Variants in JAK2 observed in about 807,000 individuals in gnomAD.
JAK2 encodes tyrosine-protein kinase JAK2.
In JAK2, 86 loss-of-function variants were observed where a neutral mutation model predicts 139.3. The observed-to-expected ratio is 0.62, with a 90% CI of 0.52 to 0.74. The LOEUF is 0.74. JAK2 is among the 30% of genes least tolerant of loss of function. The pLI, the probability that JAK2 is intolerant of heterozygous loss-of-function variation, is 0.00. For synonymous variants in JAK2, 490 were observed against 437.7 expected (o/e 1.12, Z -1.49); for missense variants, 1,421 against 1,360.3 (o/e 1.04, Z -0.70).
At chr9:5,045,545 T>C (rs1816945220) in intron 5 of JAK2, among the ~76,000 whole-genome samples, 1 of 152,198 alleles carries the variant, frequency 6.6e-6, no homozygotes. Flanking sequence ...AAATGGAAAC[T>C]TCATACCCAT....
At chr9:5,036,914 A>C (rs1434926997) in intron 4 of JAK2, among the ~76,000 whole-genome samples, 3 of 152,240 alleles carry the variant, frequency 2.0e-5, no homozygotes, top group African/African-American at 7.2e-5. Flanking sequence ...CTACCATCAG[A>C]GTGAACAGGC....
At chr9:5,053,439 T>C (rs1411528790) in intron 6 of JAK2, among the ~76,000 whole-genome samples, 3 of 152,116 alleles carry the variant, frequency 2.0e-5, no homozygotes, top group Non-Finnish European at 4.4e-5. Flanking sequence ...ATTGTTATTT[T>C]ACTTTCCTGA....
At chr9:5,052,992 A>AT (rs1563959588) in intron 6 of JAK2, among the ~76,000 whole-genome samples, 1 of 151,438 alleles carries the variant, frequency 6.6e-6, no homozygotes. Flanking sequence ...TATTTTTTTC[A>AT]TTTTTTCTTG....
intron 5 of JAK2, 27 bp downstream of exon 5, chr9:5,044,547 A>C (rs1426946130): frequency 7.9e-7 from 1 of 1,273,514 alleles, no homozygotes; most frequent in Non-Finnish European, 1.1e-6. Context: ...TTACTTGTAC[A>C]TGAGTTAAAT....
chr9:5,004,370 A>C (rs1212414324), intron 2 of JAK2, among the ~76,000 whole-genome samples: 1 of 152,186 alleles, frequency 6.6e-6, no homozygotes, highest in East Asian at 1.9e-4. Context: ...TCTATGGATC[A>C]GTGAGATCAT....
At position 5,022,199 on chromosome 9, in the gene JAK2, C is replaced by T. The variant is rs1822476394; in HGVS notation, c.212C>T (p.Ala71Val). ...EYVAEEICIA[A>V]SKACGITPVY... is the part of the protein sequence containing the mutation. ...GTTGCAGAAGAAATCTGTATTGCTGCTTCTAAAGCTTGTGGTAAGTATTAA... is the reference window on the plus strand; with the variant it reads ...GTTGCAGAAGAAATCTGTATTGCTGTTTCTAAAGCTTGTGGTAAGTATTAA... Residue 71 changes from alanine (A) to valine (V), a missense_variant, in exon 3 of 25, where the codon GCT (alanine) becomes GTT (valine). Ala to Val is a moderately conservative substitution (Grantham distance 64). Transcript: ENST00000381652. 1.9e-6 allele frequency: 3 copies of T among 1,612,620 alleles called. No homozygotes were observed. In the African/African-American group the frequency reaches 4.0e-5, roughly 22 times the overall value.
At chr9:5,119,247 A>C (rs1823434340) in intron 22 of JAK2, among the ~76,000 whole-genome samples, 1 of 152,216 alleles carries the variant, frequency 6.6e-6, no homozygotes, top group East Asian at 1.9e-4. Context: ...TAAATATATT[A>C]ATAATATGTG....
In JAK2 at chr9:5,063,254, A is replaced by T. The variant is rs539379612; in HGVS notation, c.1057-1629A>T. Among the ~76,000 whole-genome samples the T allele has an allele frequency of 3.9e-5, 6 of 152,254 alleles. No individual in the cohort carries two copies. In the South Asian group the frequency reaches 1.2e-3, roughly 32 times the overall value. ...TATTGCTTTATGATTTTTCCTTTGT[A>T]TCTAGCTTTATTTTCATTTTCTACA... On this transcript the variant is annotated intron_variant, in intron 8 of 24. Transcript: ENST00000381652.
rs1346944271 is a variant in JAK2, at chr9:5,090,497, G to A, written c.2813G>A (p.Arg938Gln). The change falls in exon 21 of 25, where the codon CGA becomes CAA. Residue 938 changes from arginine to glutamine, a missense_variant. Transcript: ENST00000381652. Reference protein sequence around the residue: ...IMEYLPYGSLRDYLQKHKERI... With the variant: ...IMEYLPYGSLQDYLQKHKERI... ...GAATATTTACCATATGGAAGTTTAC[G>A]AGACTATCTTCAAAAACATAAAGAA... The A allele has an allele frequency of 1.9e-6, 3 of 1,588,508 alleles. No homozygotes were observed. The highest frequency in any genetic ancestry group is 2.7e-5 in the African/African-American group (2 of 74,144).
At chr9:5,073,069 T>C (rs944230543) in intron 13 of JAK2, among the ~76,000 whole-genome samples, 17 of 152,200 alleles carry the variant, frequency 1.1e-4, no homozygotes, top group Admixed American at 7.2e-4. Flanking sequence ...CCGTGGCCAG[T>C]TGCCAGAGCT....
At chr9:5,081,443 C>G (rs147779464) in intron 18 of JAK2, among the ~76,000 whole-genome samples, 313 of 152,194 alleles carry the variant, frequency 2.1e-3, no homozygotes, top group Non-Finnish European at 3.9e-3. Context: ...TACTACTCAC[C>G]TTTCTCACAA....
intron 22 of JAK2, among the ~76,000 whole-genome samples, chr9:5,105,156 A>T (rs1031910598): frequency 1.3e-5 from 2 of 152,204 alleles, no homozygotes; most frequent in African/African-American, 4.8e-5. Flanking sequence ...ATATTTAGAA[A>T]ACTTGGTCAT....
intron 19 of JAK2, chr9:5,085,535 T>C (rs1377183036): frequency 2.8e-6 from 2 of 709,390 alleles, no homozygotes; most frequent in Non-Finnish European, 5.3e-6. Flanking sequence ...AAATCTTCAA[T>C]AACTCGGGTT....
chr9:5,105,063 A>G (rs146903380), intron 22 of JAK2, among the ~76,000 whole-genome samples: 1,526 of 152,334 alleles, frequency 0.01, 38 homozygotes, highest in African/African-American at 0.035. Context: ...GGCCAGGGCA[A>G]TCAGGCAAGA....
chr9:5,007,203 C>T lies in JAK2; in HGVS notation c.-25-14760C>T, dbSNP rs1326788491. 2.0e-5 allele frequency among the ~76,000 whole-genome samples: 3 copies of T among 152,070 alleles called. No individual in the cohort carries two copies. In the East Asian group the frequency reaches 5.8e-4, roughly 29 times the overall value. On this transcript the variant is annotated intron_variant, in intron 2 of 24. Transcript: ENST00000381652. ...CTTGAAATGAAAATTTATTTAATAA[C>T]ATTGTTCAGCCTTTCTTCTCGTCTT...
At chr9:5,056,463 A>G (rs533677003) in intron 8 of JAK2, among the ~76,000 whole-genome samples, 1 of 152,216 alleles carries the variant, frequency 6.6e-6, no homozygotes, top group South Asian at 2.1e-4. Flanking sequence ...AAGTATTTAT[A>G]TGGCTTACCT....
intron 19 of JAK2, chr9:5,085,616 C>A: frequency 1.4e-6 from 1 of 702,358 alleles, no homozygotes; most frequent in Non-Finnish European, 2.6e-6. Context: ...ATTAAATCTC[C>A]AGCAAGGACA....
In JAK2 at chr9:5,069,013, C is replaced by T. The variant is rs200233026; in HGVS notation, c.1327-9C>T. ...ATCCCTCCCTTTCTTTATAATTAAA[C>T]TTATACAGCGAGAAAATGTCATTGA... On this transcript the variant is annotated splice_polypyrimidine_tract_variant and intron_variant, in intron 10 of 24. Transcript: ENST00000381652. 3.7e-5 allele frequency: 56 copies of T among 1,522,050 alleles called. No individual in the cohort carries two copies. In the African/African-American group the frequency reaches 6.8e-4, roughly 18 times the overall value. The allele number at this position is 1,522,050 out of a possible 1,614,324, so 94.3% of individuals were successfully genotyped here.
Position 5,069,205 on chromosome 9 carries a change from A to G in JAK2, c.1510A>G (p.Lys504Glu), listed in dbSNP as rs1176376771. The change falls in exon 11 of 25, where the codon AAA becomes GAA. Residue 504 changes from lysine to glutamate, a missense_variant. Lys to Glu is a moderately conservative substitution (Grantham distance 56, BLOSUM62 1). Transcript: ENST00000381652. ...TACTAAATGCTGTCCCCCAAAGCCA[A>G]AAGGTAAGATAATTTTCTAGTTATT... Reference protein sequence around the residue: ...QFTKCCPPKPKDKSNLLVFRT... With the variant: ...QFTKCCPPKPEDKSNLLVFRT... 1.9e-6 allele frequency: 3 copies of G among 1,596,254 alleles called. No individual in the cohort carries two copies. The African/African-American group carries it at 4.1e-5, about 22-fold the overall frequency.
Sources: gnomAD v4.1 joint callset for allele counts (sites outside exome capture counted in the v4.1 genomes callset) on GRCh38, gnomAD v4.1.1 for gene constraint, MANE v1.5 for transcripts, NCBI Gene and HGNC (gene_info 2026-07-23, HGNC 2026-07-21) for gene names.